THAP12: variants seen among roughly 807,000 people sequenced by gnomAD.
The protein encoded by THAP12 is 52 kDa repressor of the inhibitor of the protein kinase.
THAP12 carries 20 observed loss-of-function variants against 63.0 expected under a neutral mutation model. The observed-to-expected ratio is 0.32, with a 90% CI of 0.22 to 0.46. The LOEUF (loss-of-function observed/expected upper bound fraction) is 0.46. THAP12 is among the 20% of genes least tolerant of loss of function. The probability of loss-of-function intolerance (pLI) is 1.00; values close to 1 mark genes in which losing one functional copy is unlikely to be tolerated. For synonymous variants in THAP12, 264 were observed against 328.4 expected (o/e 0.80, Z 2.12); for missense variants, 568 against 908.2 (o/e 0.63, Z 4.81).
intron 2 of THAP12, 35 bp from the exon 3 acceptor site, chr11:76,361,098 C>A: frequency 7.4e-7 from 1 of 1,351,496 alleles, no homozygotes; most frequent in South Asian, 1.2e-5. Context: ...CAGAGATGGT[C>A]CTTATAAATA....
At chr11:76,363,873 TG>T (rs1344375628) in intron 2 of THAP12, among the ~76,000 whole-genome samples, 1 of 152,196 alleles carries the variant, frequency 6.6e-6, no homozygotes, top group African/African-American at 2.4e-5. Context: ...CCCAAAGTGC[TG>T]GGATTACAGG....
At chr11:76,379,341 T>C (rs1946733100) in intron 1 of THAP12, among the ~76,000 whole-genome samples, 1 of 152,182 alleles carries the variant, frequency 6.6e-6, no homozygotes, top group Non-Finnish European at 1.5e-5. Context: ...CAGCCACTGA[T>C]CCTGTTAAAA....
intron 1 of THAP12, among the ~76,000 whole-genome samples, chr11:76,377,747 A>G (rs1005595347): frequency 2.6e-5 from 4 of 152,216 alleles, no homozygotes; most frequent in African/African-American, 9.7e-5. Flanking sequence ...AATTCTTTGG[A>G]TATACGCCTA....
rs550166111 is a variant in THAP12, at chr11:76,354,946, G to A, written c.355+672C>T. Among the ~76,000 whole-genome samples the A allele has an allele frequency of 2.0e-4, 31 of 152,264 alleles. No homozygotes were observed. In the Middle Eastern group the frequency reaches 0.01, roughly 50 times the overall value. The stretch of plus-strand genomic sequence containing the variant: ...AAGTCCATATCTCCTCATCCATAAA[G>A]AGGGAAATAACAGTACTTATCTCAC... On this transcript the variant is annotated intron_variant, in intron 4 of 4. Coordinates refer to ENST00000260045, the MANE Select transcript of THAP12 (RefSeq NM_004705.4).
At chr11:76,380,206 G>GT (rs1946743005) in intron 1 of THAP12, among the ~76,000 whole-genome samples, 1 of 152,180 alleles carries the variant, frequency 6.6e-6, no homozygotes, top group South Asian at 2.1e-4. Context: ...GAGAAAATGA[G>GT]TAACGGTGAC....
intron 1 of THAP12, among the ~76,000 whole-genome samples, chr11:76,375,747 T>TCG (rs1555025964): frequency 1.2e-5 from 1 of 85,442 alleles, no homozygotes; most frequent in Admixed American, 1.4e-4. Flanking sequence ...GAAGAAAAGG[T>TCG]GGGGGGGGGG....
intron 2 of THAP12, among the ~76,000 whole-genome samples, chr11:76,362,517 C>T (rs969283916): frequency 1.2e-4 from 18 of 152,214 alleles, no homozygotes; most frequent in African/African-American, 4.3e-4. Flanking sequence ...TTCCTAGTAA[C>T]ACTCAACTTC....
At chr11:76,354,579 T>C (rs991974741) in intron 4 of THAP12, among the ~76,000 whole-genome samples, 2 of 152,240 alleles carry the variant, frequency 1.3e-5, no homozygotes, top group African/African-American at 4.8e-5. Context: ...ATCTATTCCC[T>C]TTACTCTCTC....
chr11:76,365,167 A>G (rs190922174), intron 2 of THAP12, among the ~76,000 whole-genome samples: 1 of 152,164 alleles, frequency 6.6e-6, no homozygotes, highest in East Asian at 1.9e-4. Flanking sequence ...CTGTAATCTC[A>G]GCTACTTGGG....
At chr11:76,362,692 T>G (rs1400757998) in intron 2 of THAP12, among the ~76,000 whole-genome samples, 1 of 152,220 alleles carries the variant, frequency 6.6e-6, no homozygotes, top group African/African-American at 2.4e-5. Context: ...CAGTCAATTC[T>G]TGATATCTTA....
At position 76,352,771 on chromosome 11, in the gene THAP12, G is replaced by C. The variant is rs1245145712; in HGVS notation, c.379C>G (p.Gln127Glu). 1 of 1,521,054 alleles carries C rather than the reference G, an allele frequency of 6.6e-7. No individual in the cohort carries two copies. The highest frequency in any genetic ancestry group is 8.8e-7 in the Non-Finnish European group (1 of 1,136,570). 94.2% of individuals were successfully genotyped at this position (1,521,054 alleles called of 1,614,324 possible). Residue 127 changes from glutamine to glutamate, a missense_variant, in exon 5 of 5, where the codon CAA becomes GAA. Gln to Glu is a conservative substitution (Grantham distance 29). Coordinates refer to ENST00000260045, the MANE Select transcript of THAP12 (RefSeq NM_004705.4). ...KKIDETSEQE[Q>E]KHKETNNSNA... ...CTATTGTTGGTTTCTTTATGTTTTT[G>C]TTCCTGCTCAGAAGTTTCATCAACT...
At chr11:76,373,153 C>T (rs1946685595) in intron 1 of THAP12, among the ~76,000 whole-genome samples, 1 of 152,026 alleles carries the variant, frequency 6.6e-6, no homozygotes, top group Non-Finnish European at 1.5e-5. Context: ...CTGTTCCAGC[C>T]TGGGCAACAT....
At chr11:76,364,775 A>AT (rs1281044972) in intron 2 of THAP12, among the ~76,000 whole-genome samples, 1 of 152,206 alleles carries the variant, frequency 6.6e-6, no homozygotes, top group Non-Finnish European at 1.5e-5. Context: ...TACCTGGATA[A>AT]TTTGTTTACC....
chr11:76,357,451 G>C (rs1177904632), intron 3 of THAP12: 5 of 152,058 alleles, frequency 3.3e-5, no homozygotes, highest in African/African-American at 1.2e-4. Context: ...GTCCTCAGTT[G>C]TAAGATGACA....
At chr11:76,370,640 G>C (rs1021518439) in intron 1 of THAP12, among the ~76,000 whole-genome samples, 3 of 151,940 alleles carry the variant, frequency 2.0e-5, no homozygotes, top group African/African-American at 7.3e-5. Flanking sequence ...TAGGATTACA[G>C]GCATGAGCCA....
intron 2 of THAP12, among the ~76,000 whole-genome samples, chr11:76,363,845 A>T (rs147509589): frequency 0.021 from 3,202 of 152,254 alleles, 115 homozygotes; most frequent in African/African-American, 0.074. Flanking sequence ...ACCGCAAATG[A>T]TCTGCCCGCC....
At chr11:76,354,092 C>G (rs1946545099) in intron 4 of THAP12, among the ~76,000 whole-genome samples, 1 of 152,158 alleles carries the variant, frequency 6.6e-6, no homozygotes, top group African/African-American at 2.4e-5. Flanking sequence ...ATAAGGGGGA[C>G]ATGAACAAGG....
At chr11:76,380,636 GC>G in intron 1 of THAP12, 111 bp downstream of exon 1, 1 of 793,400 alleles carries the variant, frequency 1.3e-6, no homozygotes. Context: ...AGTGCGCTGC[GC>G]CCGCCTCCTG....
At chr11:76,364,891 C>CT (rs1946620679) in intron 2 of THAP12, among the ~76,000 whole-genome samples, 1 of 152,112 alleles carries the variant, frequency 6.6e-6, no homozygotes, top group African/African-American at 2.4e-5. Context: ...TAAAAAAGCT[C>CT]TAAAGAGCTC....
Sources: gnomAD v4.1 joint callset for allele counts (sites outside exome capture counted in the v4.1 genomes callset) on GRCh38, gnomAD v4.1.1 for gene constraint, MANE v1.5 for transcripts, NCBI Gene and HGNC (gene_info 2026-07-23, HGNC 2026-07-21) for gene names.